The following RGS9 variants were observed in gnomAD, a reference collection of about 807,000 sequenced individuals.
RGS9 encodes regulator of G-protein signalling 9.
A neutral mutation model predicts 102.0 loss-of-function variants in RGS9; 78 were observed. The observed-to-expected ratio is 0.76, with a 90% CI of 0.64 to 0.92. The LOEUF is 0.92. Ranked by LOEUF, RGS9 falls within the 40% of genes least tolerant of loss-of-function variation. The probability of loss-of-function intolerance (pLI) is 0.00; values close to 1 mark genes in which losing one functional copy is unlikely to be tolerated. For missense variants in RGS9, 833 were observed against 866.1 expected (o/e 0.96, Z 0.48); for synonymous variants, 353 against 318.6 (o/e 1.11, Z -1.15).
intron 17 of RGS9, 94 bp downstream of exon 17, chr17:65,210,699 A>G (rs777141587): frequency 2.5e-6 from 4 of 1,581,162 alleles, no homozygotes; most frequent in Non-Finnish European, 3.4e-6. Context: ...TGCACTTGGG[A>G]GAGGCAAATG....
rs1414010989 is a variant in RGS9 at position 65,173,792 on chromosome 17, G to A, written c.583-3940G>A. Among the ~76,000 whole-genome samples the A allele has an allele frequency of 6.6e-6, 1 of 152,208 alleles. No homozygotes were observed. Among genetic ancestry groups the A allele is most frequent in the Admixed American group, 6.5e-5 (1 of 15,284 alleles). ...GAAACTGTGTCAGCAGCACTCTGGTGATGATCATAGTGGGTCAAAGACTTT... is the reference window on the plus strand; with the variant it reads ...GAAACTGTGTCAGCAGCACTCTGGTAATGATCATAGTGGGTCAAAGACTTT... On this transcript the variant is annotated intron_variant, in intron 8 of 18. Transcript: ENST00000262406. The surrounding 1 kb of genome is among the most constrained non-coding windows in gnomAD (Gnocchi z 4.8).
intron 9 of RGS9, among the ~76,000 whole-genome samples, chr17:65,179,748 C>G (rs1036995087): frequency 6.6e-6 from 1 of 151,690 alleles, no homozygotes; most frequent in South Asian, 2.1e-4. Flanking sequence ...CTGAGCTGCT[C>G]CATCCTGGGG....
intron 8 of RGS9, among the ~76,000 whole-genome samples, chr17:65,172,487 G>A (rs1008235371): frequency 5.3e-5 from 8 of 151,996 alleles, no homozygotes; most frequent in African/African-American, 1.9e-4. Flanking sequence ...CCACTGTGGC[G>A]GCCTGACACA....
chr17:65,193,716 C>A, intron 12 of RGS9, 60 bp downstream of exon 12: 2 of 968,310 alleles, frequency 2.1e-6, no homozygotes, highest in Non-Finnish European at 3.4e-6. Flanking sequence ...AATTCACATG[C>A]CATAAAATTC....
chr17:65,204,607 T>C (rs1296901365), intron 15 of RGS9, among the ~76,000 whole-genome samples: 3 of 152,164 alleles, frequency 2.0e-5, no homozygotes, highest in Non-Finnish European at 4.4e-5. Flanking sequence ...CTCTTCCACC[T>C]GTCCACTGGG....
At chr17:65,226,741 T>G (rs763065203) in intron 18 of RGS9, among the ~76,000 whole-genome samples, 11 of 152,160 alleles carry the variant, frequency 7.2e-5, no homozygotes, top group Non-Finnish European at 1.3e-4. Flanking sequence ...GCCTCCCAGG[T>G]AGCTGAAATC....
chr17:65,146,596 A>AG (rs1262307883), intron 1 of RGS9, among the ~76,000 whole-genome samples: 1 of 146,202 alleles, frequency 6.8e-6, no homozygotes, highest in African/African-American at 2.6e-5. Flanking sequence ...AAAAAAAAAA[A>AG]AAGAAAAGAA....
chr17:65,211,984 A>G (rs1294061866), intron 17 of RGS9, among the ~76,000 whole-genome samples: 3 of 152,208 alleles, frequency 2.0e-5, no homozygotes, highest in African/African-American at 7.2e-5. Context: ...TCATCTGTCT[A>G]GGAGTGTTGC....
intron 13 of RGS9, among the ~76,000 whole-genome samples, chr17:65,201,100 TAC>T (rs113665578): frequency 2.6e-4 from 38 of 148,326 alleles, no homozygotes; most frequent in South Asian, 1.1e-3. Context: ...CTCCACGATT[TAC>T]ACACACACAC....
chr17:65,177,624 G>A, intron 8 of RGS9, 108 bp from the exon 9 acceptor site: 1 of 1,104,480 alleles, frequency 9.1e-7, no homozygotes, highest in Non-Finnish European at 1.4e-6. Context: ...TAGGCCACAA[G>A]CTCTTCTCAG....
At chr17:65,179,082 G>T (rs1397441345) in intron 9 of RGS9, among the ~76,000 whole-genome samples, 1 of 152,118 alleles carries the variant, frequency 6.6e-6, no homozygotes, top group African/African-American at 2.4e-5. Flanking sequence ...ATTGTCTTTG[G>T]GTAGCAAGGG....
chr17:65,166,540 A>G (rs1394742648), intron 7 of RGS9, among the ~76,000 whole-genome samples: 1 of 152,248 alleles, frequency 6.6e-6, no homozygotes, highest in Non-Finnish European at 1.5e-5. Context: ...GAATGAACGA[A>G]TGAATGAATG....
chr17:65,139,557 G>A (rs545995405), intron 1 of RGS9, among the ~76,000 whole-genome samples: 2 of 152,172 alleles, frequency 1.3e-5, no homozygotes, highest in Non-Finnish European at 2.9e-5. Flanking sequence ...TTAGGAACCC[G>A]GTGCCCTTTC....
At chr17:65,211,571 A>G (rs1913301828) in intron 17 of RGS9, among the ~76,000 whole-genome samples, 1 of 127,154 alleles carries the variant, frequency 7.9e-6, no homozygotes, top group African/African-American at 2.9e-5. Flanking sequence ...AGACGAGGTC[A>G]GCCCTGTGGT....
chr17:65,140,783 G>A (rs1293447109), intron 1 of RGS9, among the ~76,000 whole-genome samples: 1 of 152,144 alleles, frequency 6.6e-6, no homozygotes, highest in African/African-American at 2.4e-5. Flanking sequence ...GCTGAGGCAG[G>A]AGAATTGCTT....
At position 65,153,411 on chromosome 17, in the gene RGS9, C is replaced by G; in HGVS notation, c.58-11C>G. ...TCTCGTCAGTCGGCTTTTTCCTGTT[C>G]TGTCTTGCAGATTGAAGCGCTCGTG... On this transcript the variant is annotated splice_polypyrimidine_tract_variant and intron_variant, in intron 1 of 18. Transcript: ENST00000262406. 2.5e-6 allele frequency: 4 copies of G among 1,611,662 alleles called. No individual in the cohort carries two copies. The highest frequency in any genetic ancestry group is 3.4e-6 in the Non-Finnish European group (4 of 1,177,688).
intron 17 of RGS9, among the ~76,000 whole-genome samples, chr17:65,215,496 CGT>C (rs1491225988): frequency 9.1e-6 from 1 of 110,018 alleles, no homozygotes; most frequent in African/African-American, 4.9e-5. Flanking sequence ...TTCGTTCTTT[CGT>C]TCTTTCTTTC....
At chr17:65,177,977 G>A (rs765383983) in intron 9 of RGS9, among the ~76,000 whole-genome samples, 174 bp downstream of exon 9, 59 of 152,206 alleles carry the variant, frequency 3.9e-4, no homozygotes, top group Non-Finnish European at 6.3e-4. Flanking sequence ...TGGGACCATG[G>A]CAGGATGCTA....
At chr17:65,162,978 G>A (rs1389629808) in intron 6 of RGS9, 35 bp from the exon 7 acceptor site, 1 of 1,192,428 alleles carries the variant, frequency 8.4e-7, no homozygotes, top group Admixed American at 1.7e-5. Context: ...ATATGTCTTG[G>A]GGCTTTCTGT....
Sources: gnomAD v4.1 joint callset for allele counts (sites outside exome capture counted in the v4.1 genomes callset) on GRCh38, gnomAD v4.1.1 for gene constraint, Gnocchi (gnomAD v3.1) non-coding constraint, MANE v1.5 for transcripts, NCBI Gene and HGNC (gene_info 2026-07-23, HGNC 2026-07-21) for gene names.